Variants in PLEKHM3 observed in about 807,000 individuals in gnomAD.
PLEKHM3 encodes the protein pleckstrin homology domain containing M3.
PLEKHM3 carries 45 observed loss-of-function variants against 81.8 expected under a neutral mutation model. The observed-to-expected ratio is 0.55, with a 90% CI of 0.43 to 0.71. PLEKHM3 has a LOEUF of 0.71. Among genes scored for constraint, PLEKHM3 ranks in the 30% least tolerant of loss-of-function variants. The probability of loss-of-function intolerance (pLI) is 0.00; values close to 1 mark genes in which losing one functional copy is unlikely to be tolerated. For missense variants in PLEKHM3, 788 were observed against 924.3 expected (o/e 0.85, Z 1.91); for synonymous variants, 352 against 356.4 (o/e 0.99, Z 0.14).
chr2:207,973,749 GA>G (rs888701245), intron 3 of PLEKHM3, among the ~76,000 whole-genome samples: 1 of 150,262 alleles, frequency 6.7e-6, no homozygotes, highest in Non-Finnish European at 1.5e-5. Context: ...CAAAAAAAAA[GA>G]AAAAAAAGAA....
Position 208,001,602 on chromosome 2 carries a change from A to G in PLEKHM3, c.38T>C (p.Leu13Ser). Residue 13 changes from leucine to serine, a missense_variant, in exon 2 of 8, where the codon TTA becomes TCA. Transcript: ENST00000427836. ...ACTAAAGAATTCCTCCGTAACTTCT[A>G]AGGCTGGGCTGATATCATCCACTTC... ...ALEVDDISPA[L>S]EVTEEFFSTL... 11 of 1,614,120 alleles carry G rather than the reference A, an allele frequency of 6.8e-6. No homozygotes were observed. The highest frequency in any genetic ancestry group is 8.5e-6 in the Non-Finnish European group (10 of 1,180,000).
At chr2:207,985,987 CAAAA>C (rs35964669) in intron 2 of PLEKHM3, among the ~76,000 whole-genome samples, 4 of 120,878 alleles carry the variant, frequency 3.3e-5, no homozygotes, top group Non-Finnish European at 3.4e-5. Flanking sequence ...GACTCCGTCT[CAAAA>C]AAAAAAAAAA....
Position 207,977,440 on chromosome 2 carries a change from G to C in PLEKHM3, c.757C>G (p.Leu253Val). ...TGTGAAAGCTGGTACGTGGCATAAA[G>C]GTTTTGATTCCCACTGCTGTCGAGG... ...YSLDSSGNQN[L>V]YATYQLSHFQ... The change falls in exon 3 of 8, where the codon CTT (leucine) becomes GTT (valine). Residue 253 changes from leucine to valine, a missense_variant. Coordinates refer to ENST00000427836, the MANE Select transcript of PLEKHM3 (RefSeq NM_001080475.3). 1 of 1,614,204 alleles carries C rather than the reference G, an allele frequency of 6.2e-7. No homozygotes were observed. The highest frequency in any genetic ancestry group is 8.5e-7 in the Non-Finnish European group (1 of 1,180,034).
chr2:207,897,086 C>T (rs1044179367), intron 6 of PLEKHM3, among the ~76,000 whole-genome samples: 3 of 152,192 alleles, frequency 2.0e-5, no homozygotes, highest in Non-Finnish European at 2.9e-5. Flanking sequence ...TGCAATTCCC[C>T]TATGGAGCCA....
At chr2:207,895,498 A>G (rs1293043879) in intron 6 of PLEKHM3, among the ~76,000 whole-genome samples, 1 of 152,238 alleles carries the variant, frequency 6.6e-6, no homozygotes. Context: ...GCTCTAGCCA[A>G]GAATCCTTTC....
At chr2:207,870,383 G>A (rs1051879302) in intron 6 of PLEKHM3, among the ~76,000 whole-genome samples, 4 of 152,264 alleles carry the variant, frequency 2.6e-5, no homozygotes, top group South Asian at 4.1e-4. Flanking sequence ...GATTTGGAGC[G>A]ACTGTCGGGA....
chr2:208,001,228 C>T lies in PLEKHM3; in HGVS notation c.412G>A (p.Asp138Asn), dbSNP rs199970799. ...DRPRSVNDLLDETSTFKPGHA... is the reference protein window; with the variant it reads ...DRPRSVNDLLNETSTFKPGHA... ...CCTGGCTTGAAAGTTGAGGTCTCATCCAGTAAGTCATTTACAGAACGAGGC... is the reference window on the plus strand; with the variant it reads ...CCTGGCTTGAAAGTTGAGGTCTCATTCAGTAAGTCATTTACAGAACGAGGC... The change falls in exon 2 of 8, where the codon GAT becomes AAT. Residue 138 changes from aspartate to asparagine, a missense_variant. Physicochemically the swap from Asp to Asn is conservative, Grantham distance 23. Transcript: ENST00000427836. 27 of 1,614,134 alleles carry T rather than the reference C, an allele frequency of 1.7e-5. No homozygotes were observed. The highest frequency in any genetic ancestry group is 2.2e-5 in the South Asian group (2 of 91,086).
In PLEKHM3 at chr2:207,965,033, G is replaced by C. The variant is rs576566137; in HGVS notation, c.1546+11618C>G. On this transcript the variant is annotated intron_variant, in intron 3 of 7. Coordinates refer to ENST00000427836, the MANE Select transcript of PLEKHM3 (RefSeq NM_001080475.3). ...TTAAAATGGCAAGTTTTTCACTTAA[G>C]TATGTTTCTGTCTTCAGGGAGTATA... is the stretch of plus-strand genomic sequence containing the variant. Among the ~76,000 whole-genome samples the C allele has an allele frequency of 2.2e-4, 33 of 152,130 alleles. 1 individual carries two copies. The highest frequency in any genetic ancestry group is 2.2e-3 in the Admixed American group (33 of 15,260).
intron 1 of PLEKHM3, among the ~76,000 whole-genome samples, chr2:208,010,480 A>G (rs1470257030): frequency 6.6e-6 from 1 of 152,248 alleles, no homozygotes; most frequent in Non-Finnish European, 1.5e-5. Flanking sequence ...CTTTGCCTCC[A>G]TGGCAGAGAA....
chr2:207,967,860 C>T (rs6711353), intron 3 of PLEKHM3, among the ~76,000 whole-genome samples: 8,791 of 152,056 alleles, frequency 0.058, 803 homozygotes, highest in African/African-American at 0.2. Flanking sequence ...AGTAGTTTAC[C>T]TAGGGTCGCA....
At chr2:208,025,003 C>G (rs1208792889) in intron 1 of PLEKHM3, among the ~76,000 whole-genome samples, 1 of 152,176 alleles carries the variant, frequency 6.6e-6, no homozygotes, top group Non-Finnish European at 1.5e-5. Context: ...CGGACAGAGT[C>G]GACAGAAAGA....
intron 4 of PLEKHM3, among the ~76,000 whole-genome samples, chr2:207,935,534 C>T (rs1241448989): frequency 2.0e-5 from 3 of 152,124 alleles, no homozygotes; most frequent in East Asian, 1.9e-4. Flanking sequence ...CTCCTTTTTG[C>T]GTAACACCTA....
At chr2:207,880,044 T>G (rs2092578590) in intron 6 of PLEKHM3, among the ~76,000 whole-genome samples, 1 of 152,224 alleles carries the variant, frequency 6.6e-6, no homozygotes, top group Non-Finnish European at 1.5e-5. Context: ...TACTTGTATT[T>G]AAGATTATAA....
chr2:208,016,121 G>A (rs1224427101), intron 1 of PLEKHM3, among the ~76,000 whole-genome samples: 1 of 152,168 alleles, frequency 6.6e-6, no homozygotes, highest in Non-Finnish European at 1.5e-5. Flanking sequence ...TTGAAACCAG[G>A]AGGCAGAGGT....
At chr2:207,975,760 C>T (rs758019541) in intron 3 of PLEKHM3, among the ~76,000 whole-genome samples, 20 of 151,402 alleles carry the variant, frequency 1.3e-4, no homozygotes, top group Admixed American at 5.3e-4. Context: ...CCAAGCCTGA[C>T]GAATTTTTGC....
intron 3 of PLEKHM3, among the ~76,000 whole-genome samples, chr2:207,953,506 C>T (rs1006980371): frequency 2.0e-5 from 3 of 152,120 alleles, no homozygotes; most frequent in African/African-American, 7.2e-5. Context: ...TAAATTTCCG[C>T]TGCACAAGCC....
At chr2:208,012,334 G>A (rs1692730688) in intron 1 of PLEKHM3, among the ~76,000 whole-genome samples, 1 of 152,206 alleles carries the variant, frequency 6.6e-6, no homozygotes, top group South Asian at 2.1e-4. Flanking sequence ...CCTCAAAAAA[G>A]AGAGGTGAGT....
In PLEKHM3 at chr2:207,823,593, C is replaced by T. The variant is rs1036068757; in HGVS notation, c.*4726G>A. 4 of 152,140 alleles carry T rather than the reference C, an allele frequency of 2.6e-5. No homozygotes were observed. Among genetic ancestry groups the T allele is most frequent in the Admixed American group, 1.3e-4 (2 of 15,272 alleles). The allele number at this position is 152,140 out of a possible 1,614,324, so 9.4% of individuals were successfully genotyped here. A position where few individuals can be genotyped will look rare whatever the true frequency, so the allele number is the denominator to read the frequency against. On this transcript the variant is annotated 3_prime_UTR_variant, in exon 8 of 8. Coordinates refer to ENST00000427836, the MANE Select transcript of PLEKHM3 (RefSeq NM_001080475.3). ...TTGGGATTACAGGCATGAGCCACTACGTTCAGCCTAATTTTTTTATTTTTA... is the reference window on the plus strand; with the variant it reads ...TTGGGATTACAGGCATGAGCCACTATGTTCAGCCTAATTTTTTTATTTTTA...
chr2:207,972,249 G>A (rs1312447204), intron 3 of PLEKHM3, among the ~76,000 whole-genome samples: 1 of 150,476 alleles, frequency 6.6e-6, no homozygotes, highest in African/African-American at 2.4e-5. Context: ...GGTCCTAGAG[G>A]TAGGCATGAT....
Sources: gnomAD v4.1 joint callset for allele counts (sites outside exome capture counted in the v4.1 genomes callset) on GRCh38, gnomAD v4.1.1 for gene constraint, MANE v1.5 for transcripts, NCBI Gene and HGNC (gene_info 2026-07-23, HGNC 2026-07-21) for gene names.